Variants in LRMDA observed in about 807,000 individuals in gnomAD.
LRMDA encodes the protein leucine rich melanocyte differentiation associated.
Under a neutral mutation model 29.8 loss-of-function variants are expected in LRMDA, and 18 were observed. The ratio of observed to expected loss-of-function variants is 0.60; its 90% CI spans 0.42 to 0.90. LRMDA has a LOEUF of 0.90. LRMDA is among the 40% of genes least tolerant of loss of function. The probability of loss-of-function intolerance (pLI) is 0.00; values close to 1 mark genes in which losing one functional copy is unlikely to be tolerated. For missense variants in LRMDA, 273 were observed against 273.9 expected, an observed-to-expected ratio of 1.00 and a Z score of 0.02; for synonymous variants, 125 against 109.4, an observed-to-expected ratio of 1.14 and a Z score of -0.89.
chr10:75,482,144 G>A (rs896446465), intron 2 of LRMDA, among the ~76,000 whole-genome samples: 1 of 152,168 alleles, frequency 6.6e-6, no homozygotes, highest in Admixed American at 6.5e-5. Flanking sequence ...GACCACTGAT[G>A]TTAGGCATGG....
At chr10:75,631,658 T>C (rs1053194577) in intron 2 of LRMDA, among the ~76,000 whole-genome samples, 2 of 152,052 alleles carry the variant, frequency 1.3e-5, no homozygotes, top group African/African-American at 2.4e-5. Context: ...TCTTGGTGAG[T>C]CGGGGTGTAA....
At chr10:76,422,854 T>C (rs1346392230) in intron 6 of LRMDA, among the ~76,000 whole-genome samples, 2 of 152,212 alleles carry the variant, frequency 1.3e-5, no homozygotes, top group African/African-American at 4.8e-5. Context: ...ATCTGAAGTC[T>C]TTGTTCTTTC....
chr10:75,807,214 A>ATGGCCAGGGTTTGTG (rs1843870643), intron 2 of LRMDA, among the ~76,000 whole-genome samples: 1 of 152,084 alleles, frequency 6.6e-6, no homozygotes, highest in Non-Finnish European at 1.5e-5. Context: ...CAGTAGGCAT[A>ATGGCCAGGGTTTGTG]TGGCCAGGGT....
At chr10:75,556,832 C>T (rs4076171) in intron 2 of LRMDA, among the ~76,000 whole-genome samples, 12,565 of 147,548 alleles carry the variant, frequency 0.085, 788 homozygotes, top group East Asian at 0.31. Context: ...TAATGTATAT[C>T]GTAATACTAG....
chr10:76,324,276 A>G (rs1589427741), intron 5 of LRMDA, 125 bp from the exon 6 acceptor site: 2 of 853,142 alleles, frequency 2.3e-6, no homozygotes, highest in East Asian at 4.9e-5. Context: ...TTGCTTCCTA[A>G]GAAGTATCTT....
At chr10:76,082,428 T>C (rs1382423988) in intron 5 of LRMDA, among the ~76,000 whole-genome samples, 1 of 152,186 alleles carries the variant, frequency 6.6e-6, no homozygotes, top group African/African-American at 2.4e-5. Flanking sequence ...CTGTTGTAGT[T>C]AGTGCTTTTG....
intron 6 of LRMDA, chr10:76,556,517 A>C (rs901398284): frequency 2.0e-5 from 3 of 151,968 alleles, no homozygotes; most frequent in African/African-American, 4.8e-5. Flanking sequence ...ACGCCCAGCT[A>C]ATTTTTTTAA....
At chr10:76,330,382 G>C (rs978811383) in intron 6 of LRMDA, among the ~76,000 whole-genome samples, 3 of 152,166 alleles carry the variant, frequency 2.0e-5, no homozygotes, top group South Asian at 2.1e-4. Context: ...GGAATAGATT[G>C]AGGGGAAACC....
At chr10:76,170,742 CTTTTAGACCT>C (rs1850820527) in intron 5 of LRMDA, among the ~76,000 whole-genome samples, 1 of 152,088 alleles carries the variant, frequency 6.6e-6, no homozygotes, top group African/African-American at 2.4e-5. Context: ...TGGTTGGTTT[CTTTTAGACCT>C]TTTAGTTTTG....
intron 2 of LRMDA, among the ~76,000 whole-genome samples, chr10:75,826,160 T>C (rs953287601): frequency 2.6e-5 from 4 of 152,170 alleles, no homozygotes; most frequent in Non-Finnish European, 4.4e-5. Flanking sequence ...TGTGATTTAT[T>C]GGCTACATAC....
chr10:75,846,201 G>GTT (rs889926699), intron 2 of LRMDA, among the ~76,000 whole-genome samples: 22 of 151,712 alleles, frequency 1.5e-4, no homozygotes, highest in African/African-American at 5.1e-4. Context: ...GTGTGTGTGT[G>GTT]TGTGTGTGTG....
intron 2 of LRMDA, among the ~76,000 whole-genome samples, chr10:76,005,915 C>T (rs571537324): frequency 1.8e-4 from 27 of 146,186 alleles, no homozygotes; most frequent in Non-Finnish European, 2.7e-4. Context: ...GGGTGCAGTG[C>T]GAGACTCCAT....
At position 75,876,103 on chromosome 10, in the gene LRMDA, G is replaced by T. The variant is rs570006421; in HGVS notation, c.132-159905G>T. On this transcript the variant is annotated intron_variant, in intron 2 of 6. Transcript: ENST00000611255. ...GACTGGGGAACACTGATTGGACCCT[G>T]GTGGGAGGACATCAGGCCTGATTGG... Among the ~76,000 whole-genome samples, 15 of 152,318 alleles carry T rather than the reference G, an allele frequency of 9.8e-5. No individual in the cohort carries two copies. The South Asian group carries it at 2.9e-3, about 29-fold the overall frequency.
intron 5 of LRMDA, among the ~76,000 whole-genome samples, chr10:76,156,840 A>G (rs1254347901): frequency 6.6e-6 from 1 of 152,210 alleles, no homozygotes; most frequent in Non-Finnish European, 1.5e-5. Context: ...CTTCCAAGAT[A>G]CATTCTTTCT....
intron 2 of LRMDA, among the ~76,000 whole-genome samples, chr10:75,680,872 G>A (rs978464367): frequency 1.3e-5 from 2 of 152,074 alleles, no homozygotes; most frequent in Non-Finnish European, 2.9e-5. Flanking sequence ...TTGAGTACAA[G>A]CGCCCTTATT....
At chr10:75,861,187 G>A (rs1023131693) in intron 2 of LRMDA, among the ~76,000 whole-genome samples, 1 of 152,342 alleles carries the variant, frequency 6.6e-6, no homozygotes, top group Non-Finnish European at 1.5e-5. Flanking sequence ...ATTTATTGCT[G>A]ATGAATACCA....
intron 6 of LRMDA, among the ~76,000 whole-genome samples, chr10:76,543,371 T>G (rs1843381705): frequency 6.7e-6 from 1 of 149,220 alleles, no homozygotes; most frequent in South Asian, 2.1e-4. Context: ...TAGAGAGTGA[T>G]GATAAGAAGG....
chr10:75,978,642 C>T (rs1847115101), intron 2 of LRMDA, among the ~76,000 whole-genome samples: 1 of 152,114 alleles, frequency 6.6e-6, no homozygotes. Context: ...CCAGTATTGT[C>T]CTGTGGTTTT....
At chr10:75,521,923 G>A (rs1458888894) in intron 2 of LRMDA, among the ~76,000 whole-genome samples, 1 of 152,210 alleles carries the variant, frequency 6.6e-6, no homozygotes, top group African/African-American at 2.4e-5. Flanking sequence ...CTGAAGGGAG[G>A]GAGAGAAAGC....
Sources: gnomAD v4.1 joint callset for allele counts (sites outside exome capture counted in the v4.1 genomes callset) on GRCh38, gnomAD v4.1.1 for gene constraint, MANE v1.5 for transcripts, NCBI Gene and HGNC (gene_info 2026-07-23, HGNC 2026-07-21) for gene names.